The following SEMA3C variants were observed in gnomAD, a reference collection of about 807,000 sequenced individuals.
SEMA3C encodes semaphorin-3C.
In SEMA3C, 47 loss-of-function variants were observed where a neutral mutation model predicts 89.4. The observed-to-expected ratio is 0.53, with a 90% CI of 0.42 to 0.67. The LOEUF (loss-of-function observed/expected upper bound fraction) is 0.67, where lower values mean the gene tolerates loss of function less well. SEMA3C is among the 30% of genes least tolerant of loss of function. SEMA3C has a pLI of 0.00. For missense variants in SEMA3C, 839 were observed against 929.1 expected, an observed-to-expected ratio of 0.90 and a Z score of 1.26; for synonymous variants, 310 against 320.2, an observed-to-expected ratio of 0.97 and a Z score of 0.34.
At chr7:80,849,850 T>C (rs1583939409) in intron 2 of SEMA3C, among the ~76,000 whole-genome samples, 1 of 152,108 alleles carries the variant, frequency 6.6e-6, no homozygotes, top group South Asian at 2.1e-4. Flanking sequence ...TACCATTATA[T>C]GGTGAAAAAG....
intron 5 of SEMA3C, among the ~76,000 whole-genome samples, chr7:80,812,654 G>A (rs937867726): frequency 6.6e-6 from 1 of 152,090 alleles, no homozygotes; most frequent in Non-Finnish European, 1.5e-5. Flanking sequence ...AGCAGATGTG[G>A]TCTACCTAAT....
chr7:80,805,895 C>T lies in SEMA3C; in HGVS notation c.539-137G>A, dbSNP rs561140774. On this transcript the variant is annotated intron_variant, in intron 6 of 17. Coordinates refer to ENST00000265361, the MANE Select transcript of SEMA3C (RefSeq NM_006379.5). The stretch of plus-strand genomic sequence containing the variant: ...GTTATAACAAATATTAATTGGTTTG[C>T]ATTGTCCAGCAAATCAATAAATTTT... 3.0e-5 allele frequency: 15 copies of T among 502,932 alleles called. No individual in the cohort carries two copies. The South Asian group carries it at 6.0e-4, about 20-fold the overall frequency. The allele number at this position is 502,932 out of a possible 1,614,324, so 31.2% of individuals were successfully genotyped here.
At chr7:80,876,317 C>T (rs1346175336) in intron 2 of SEMA3C, among the ~76,000 whole-genome samples, 1 of 152,014 alleles carries the variant, frequency 6.6e-6, no homozygotes, top group Non-Finnish European at 1.5e-5. Context: ...AAGCATTTAA[C>T]TTAAGTATTT....
intron 2 of SEMA3C, among the ~76,000 whole-genome samples, chr7:80,842,196 T>G (rs2115884794): frequency 6.6e-6 from 1 of 152,278 alleles, no homozygotes; most frequent in East Asian, 1.9e-4. Flanking sequence ...CCATGTTTCC[T>G]GCAGCTTTGA....
intron 12 of SEMA3C, among the ~76,000 whole-genome samples, chr7:80,766,424 T>A (rs1057122204): frequency 1.1e-4 from 1 of 8,950 alleles, no homozygotes; most frequent in African/African-American, 5.5e-4. Flanking sequence ...ACAGGAAATA[T>A]CCTCTCCGCA....
At chr7:80,912,765 C>T (rs1792181874) in intron 2 of SEMA3C, among the ~76,000 whole-genome samples, 1 of 152,140 alleles carries the variant, frequency 6.6e-6, no homozygotes, top group African/African-American at 2.4e-5. Context: ...AAGCATCTTC[C>T]AAGATTAACG....
chr7:80,750,240 A>G (rs1216897714), intron 16 of SEMA3C, among the ~76,000 whole-genome samples: 1 of 151,592 alleles, frequency 6.6e-6, no homozygotes, highest in Non-Finnish European at 1.5e-5. Context: ...GTATTGTAAC[A>G]TGGTAACTTC....
At chr7:80,887,172 A>C (rs1024653864) in intron 2 of SEMA3C, among the ~76,000 whole-genome samples, 3 of 152,200 alleles carry the variant, frequency 2.0e-5, no homozygotes, top group African/African-American at 7.2e-5. Flanking sequence ...TACATTAAGC[A>C]CATTTAAATT....
At chr7:80,897,505 A>G (rs1055261283) in intron 2 of SEMA3C, among the ~76,000 whole-genome samples, 1 of 152,196 alleles carries the variant, frequency 6.6e-6, no homozygotes, top group African/African-American at 2.4e-5. Flanking sequence ...CTTGAACACC[A>G]GAGAAGAAAA....
At chr7:80,828,899 T>C (rs879922755) in intron 2 of SEMA3C, among the ~76,000 whole-genome samples, 154 bp from the exon 3 acceptor site, 27 of 152,162 alleles carry the variant, frequency 1.8e-4, no homozygotes, top group Non-Finnish European at 2.9e-4. Context: ...TATGGGCTAG[T>C]TCCCTGTAAT....
chr7:80,824,074 T>G (rs1332186604), intron 4 of SEMA3C, among the ~76,000 whole-genome samples: 1 of 152,188 alleles, frequency 6.6e-6, no homozygotes, highest in Non-Finnish European at 1.5e-5. Flanking sequence ...ATTTTCTTCT[T>G]ATAATTGTTA....
chr7:80,774,035 G>C (rs932311456), intron 12 of SEMA3C, among the ~76,000 whole-genome samples: 3 of 152,202 alleles, frequency 2.0e-5, no homozygotes, highest in African/African-American at 7.2e-5. Context: ...TCCAGAGGAA[G>C]ACCTAATTTA....
intron 8 of SEMA3C, among the ~76,000 whole-genome samples, chr7:80,803,671 T>C (rs1789265659): frequency 6.6e-6 from 1 of 152,164 alleles, no homozygotes; most frequent in Non-Finnish European, 1.5e-5. Context: ...TATTTATAAA[T>C]GGTTCCTTAA....
intron 10 of SEMA3C, among the ~76,000 whole-genome samples, chr7:80,798,746 T>C (rs1280429200): frequency 6.6e-6 from 1 of 152,148 alleles, no homozygotes; most frequent in Non-Finnish European, 1.5e-5. Flanking sequence ...TTTAGGTACT[T>C]CCCCTGTTGG....
chr7:80,886,169 A>G (rs1038363438), intron 2 of SEMA3C, among the ~76,000 whole-genome samples: 2 of 152,114 alleles, frequency 1.3e-5, no homozygotes, highest in Non-Finnish European at 2.9e-5. Context: ...CCAATCAGCA[A>G]ATTAATTTAT....
chr7:80,749,710 T>G (rs1330358439), intron 16 of SEMA3C, among the ~76,000 whole-genome samples: 2 of 152,176 alleles, frequency 1.3e-5, no homozygotes, highest in African/African-American at 2.4e-5. Flanking sequence ...ACGAAAGTAT[T>G]AAATTAGGCA....
intron 10 of SEMA3C, among the ~76,000 whole-genome samples, chr7:80,798,771 A>G (rs563765220): frequency 6.6e-5 from 10 of 152,300 alleles, no homozygotes; most frequent in African/African-American, 9.6e-5. Context: ...AGAACAAAAA[A>G]TAGGGGCCCA....
At chr7:80,833,643 T>C (rs1790060882) in intron 2 of SEMA3C, among the ~76,000 whole-genome samples, 1 of 152,188 alleles carries the variant, frequency 6.6e-6, no homozygotes, top group Non-Finnish European at 1.5e-5. Flanking sequence ...AGTTGACAGC[T>C]GTTAACCAGG....
intron 14 of SEMA3C, among the ~76,000 whole-genome samples, chr7:80,760,051 G>T (rs974319526): frequency 1.3e-5 from 2 of 152,056 alleles, no homozygotes; most frequent in Non-Finnish European, 2.9e-5. Flanking sequence ...GCATAAGATG[G>T]ATAATAAAAT....
Sources: allele counts gnomAD v4.1 joint callset (sites outside exome capture counted in the v4.1 genomes callset), GRCh38; gene constraint gnomAD v4.1.1; transcripts MANE v1.5; gene names NCBI Gene and HGNC (gene_info 2026-07-23, HGNC 2026-07-21).